Variants in CEMIP2 observed in about 807,000 individuals in gnomAD.
The protein encoded by CEMIP2 is cell migration inducing hyaluronidase 2, also known as cell surface hyaluronidase CEMIP2.
A neutral mutation model predicts 146.9 loss-of-function variants in CEMIP2; 79 were observed. The observed-to-expected ratio is 0.54, with a 90% CI of 0.45 to 0.65. CEMIP2 has a LOEUF of 0.65. Among genes scored for constraint, CEMIP2 ranks in the 30% least tolerant of loss-of-function variants. The probability of loss-of-function intolerance (pLI) is 0.00; values close to 1 mark genes in which losing one functional copy is unlikely to be tolerated. For synonymous variants in CEMIP2, 601 were observed against 606.3 expected, an observed-to-expected ratio of 0.99 and a Z score of 0.13; for missense variants, 1,596 against 1,696.2, an observed-to-expected ratio of 0.94 and a Z score of 1.04.
At chr9:71,691,193 G>C (rs1395812814) in intron 21 of CEMIP2, among the ~76,000 whole-genome samples, 1 of 152,116 alleles carries the variant, frequency 6.6e-6, no homozygotes, top group African/African-American at 2.4e-5. Flanking sequence ...AGCACTTTGG[G>C]AGGTTGAGGT....
At chr9:71,733,682 T>C (rs1050650478) in intron 6 of CEMIP2, among the ~76,000 whole-genome samples, 3 of 152,184 alleles carry the variant, frequency 2.0e-5, no homozygotes, top group Non-Finnish European at 2.9e-5. Flanking sequence ...ATGTATAATG[T>C]TGAGTTCAAA....
chr9:71,750,027 A>G lies in CEMIP2; in HGVS notation c.331+16T>C, dbSNP rs576802878. ...GTCTTCTAGAATATGTTCTATGTGC[A>G]TATACACACACTTACCATCTGGAGC... On this transcript the variant is annotated intron_variant, in intron 2 of 23. Coordinates refer to ENST00000377044, the MANE Select transcript of CEMIP2 (RefSeq NM_013390.3). 1 of 1,575,588 alleles carries G rather than the reference A, an allele frequency of 6.3e-7. No homozygotes were observed. Among genetic ancestry groups the G allele is most frequent in the East Asian group, 2.2e-5 (1 of 44,708 alleles).
chr9:71,757,081 G>A (rs913574939), intron 1 of CEMIP2, among the ~76,000 whole-genome samples: 7 of 152,160 alleles, frequency 4.6e-5, no homozygotes, highest in Non-Finnish European at 1.0e-4. Flanking sequence ...CATGGTGGTT[G>A]AGGACACTTG....
At chr9:71,739,831 C>A (rs1335418994) in intron 5 of CEMIP2, among the ~76,000 whole-genome samples, 2 of 152,134 alleles carry the variant, frequency 1.3e-5, no homozygotes, top group Non-Finnish European at 2.9e-5. Flanking sequence ...CAAGACAATT[C>A]TTCTTCCAAT....
rs3739783 is a variant in CEMIP2, at chr9:71,745,293, G to C, written c.759C>G (p.Pro253=). Residue 253 remains proline, a synonymous_variant, in exon 4 of 24, where the codon CCC becomes CCG. Transcript: ENST00000377044. ...LARTLNSSGL[P]FGSYTFEKDF... Reference sequence around the variant, plus strand: ...CCTTTTCAAAGGTATAGGACCCAAAGGGCAAGCCTGAGGAATTCAGGGTCC... The same window carrying C: ...CCTTTTCAAAGGTATAGGACCCAAACGGCAAGCCTGAGGAATTCAGGGTCC... 0.14 allele frequency: 219,074 copies of C among 1,613,844 alleles called. 15,717 individuals are homozygous for C. The highest frequency in any genetic ancestry group is 0.18 in the Admixed American group (11,029 of 59,990).
intron 4 of CEMIP2, among the ~76,000 whole-genome samples, chr9:71,741,487 G>A (rs12376248): frequency 0.45 from 68,038 of 151,494 alleles, 18,074 homozygotes; most frequent in Non-Finnish European, 0.6. Context: ...GTGAGCCACC[G>A]CAGCCAGCAG....
intron 17 of CEMIP2, 140 bp downstream of exon 17, chr9:71,709,119 G>C: frequency 1.3e-6 from 1 of 781,414 alleles, no homozygotes; most frequent in Non-Finnish European, 2.0e-6. Flanking sequence ...AGAAAGAAAA[G>C]AAAGGACAGG....
chr9:71,759,098 T>C (rs1182616373), intron 1 of CEMIP2, among the ~76,000 whole-genome samples: 1 of 152,198 alleles, frequency 6.6e-6, no homozygotes, highest in African/African-American at 2.4e-5. Flanking sequence ...ATGCACCAAC[T>C]CTTAATTATA....
chr9:71,709,968 G>C (rs1822860031), intron 16 of CEMIP2, among the ~76,000 whole-genome samples: 2 of 152,174 alleles, frequency 1.3e-5, no homozygotes, highest in African/African-American at 4.8e-5. Flanking sequence ...ATCTCCAAAT[G>C]CTTCAGTTAC....
At chr9:71,693,913 C>G (rs1317921712) in intron 21 of CEMIP2, among the ~76,000 whole-genome samples, 2 of 152,120 alleles carry the variant, frequency 1.3e-5, no homozygotes, top group African/African-American at 2.4e-5. Context: ...AGTGTAACCC[C>G]CATGAATGGG....
At chr9:71,723,613 T>C (rs1267032941) in intron 11 of CEMIP2, among the ~76,000 whole-genome samples, 1 of 152,200 alleles carries the variant, frequency 6.6e-6, no homozygotes, top group Non-Finnish European at 1.5e-5. Context: ...CATATGAGAA[T>C]AGGTCTGGGC....
chr9:71,689,183 A>G (rs1822156471), intron 22 of CEMIP2, among the ~76,000 whole-genome samples: 1 of 152,222 alleles, frequency 6.6e-6, no homozygotes, highest in Non-Finnish European at 1.5e-5. Context: ...GTCTTAAGCC[A>G]GAAGACAGAA....
At chr9:71,711,933 A>G (rs1822916973) in intron 16 of CEMIP2, 150 bp downstream of exon 16, 3 of 730,528 alleles carry the variant, frequency 4.1e-6, no homozygotes, top group Non-Finnish European at 6.6e-6. Context: ...AATGGGAGAG[A>G]GTGCATGGAA....
Position 71,685,810 on chromosome 9 carries a change from C to T in CEMIP2, c.3888G>A (p.Lys1296=). The T allele has an allele frequency of 6.2e-7, 1 of 1,614,054 alleles. No individual in the cohort carries two copies. ...IVLLSTRGEI[K]QLNISHLLVP... Reference sequence around the variant, plus strand: ...CTAGTAAGTGTGAAATGTTTAACTGCTTTATTTCTCCTCTTGTGCTCAACA... The same window carrying T: ...CTAGTAAGTGTGAAATGTTTAACTGTTTTATTTCTCCTCTTGTGCTCAACA... Residue 1296 remains lysine (K), a synonymous_variant, in exon 23 of 24, where the codon AAG becomes AAA. Coordinates refer to ENST00000377044, the MANE Select transcript of CEMIP2 (RefSeq NM_013390.3).
chr9:71,709,113 A>C, intron 17 of CEMIP2, 146 bp downstream of exon 17: 1 of 756,294 alleles, frequency 1.3e-6, no homozygotes, highest in Non-Finnish European at 2.1e-6. Flanking sequence ...ATCGAAAGAA[A>C]GAAAAGAAAG....
At position 71,685,804 on chromosome 9, in the gene CEMIP2, T is replaced by C. The variant is rs569297340; in HGVS notation, c.3894A>G (p.Leu1298=). ...LLSTRGEIKQ[L]NISHLLVPLG... ...GAGGTACTAGTAAGTGTGAAATGTT[T>C]AACTGCTTTATTTCTCCTCTTGTGC... Residue 1298 remains leucine (L), a synonymous_variant, in exon 23 of 24, where the codon TTA becomes TTG. Coordinates refer to ENST00000377044, the MANE Select transcript of CEMIP2 (RefSeq NM_013390.3). The C allele has an allele frequency of 9.3e-6, 15 of 1,614,064 alleles. No individual in the cohort carries two copies. The highest frequency in any genetic ancestry group is 4.5e-5 in the East Asian group (2 of 44,870).
At chr9:71,708,200 A>C (rs1822807229) in intron 17 of CEMIP2, among the ~76,000 whole-genome samples, 1 of 152,112 alleles carries the variant, frequency 6.6e-6, no homozygotes, top group African/African-American at 2.4e-5. Flanking sequence ...ATAAATAAAT[A>C]AATAAAAATT....
intron 16 of CEMIP2, among the ~76,000 whole-genome samples, chr9:71,711,633 G>C (rs1822908470): frequency 1.3e-5 from 2 of 151,908 alleles, no homozygotes; most frequent in Non-Finnish European, 1.5e-5. Flanking sequence ...AACCTAATTT[G>C]TATCACACTG....
At chr9:71,696,450 A>G (rs1259261961) in intron 20 of CEMIP2, among the ~76,000 whole-genome samples, 4 of 121,330 alleles carry the variant, frequency 3.3e-5, no homozygotes, top group African/African-American at 1.3e-4. Context: ...ATGAGAGACT[A>G]AGACTGATAG....
Sources: allele counts gnomAD v4.1 joint callset (sites outside exome capture counted in the v4.1 genomes callset), GRCh38; gene constraint gnomAD v4.1.1; transcripts MANE v1.5; gene names NCBI Gene and HGNC (gene_info 2026-07-23, HGNC 2026-07-21).